The following FBLN5 variants were observed in gnomAD, a reference collection of about 807,000 sequenced individuals.
FBLN5 encodes fibulin-5.
FBLN5 carries 24 observed loss-of-function variants against 61.6 expected under a neutral mutation model. The ratio of observed to expected loss-of-function variants is 0.39; its 90% confidence interval spans 0.28 to 0.55. The LOEUF (loss-of-function observed/expected upper bound fraction) is 0.55, where lower values mean the gene tolerates loss of function less well. Among genes scored for constraint, FBLN5 ranks in the 20% least tolerant of loss-of-function variants. The pLI, the probability that FBLN5 is intolerant of heterozygous loss-of-function variation, is 0.65. For synonymous variants in FBLN5, 213 were observed against 219.8 expected (o/e 0.97, Z 0.27); for missense variants, 470 against 594.1 (o/e 0.79, Z 2.17).
chr14:91,926,025 C>T (rs1250080883), intron 4 of FBLN5, among the ~76,000 whole-genome samples: 3 of 152,196 alleles, frequency 2.0e-5, no homozygotes, highest in Admixed American at 2.0e-4. Flanking sequence ...TCGGTGCCCG[C>T]ACTCTTCCTT....
chr14:91,879,997 T>C (rs1889346437), intron 9 of FBLN5, among the ~76,000 whole-genome samples: 1 of 152,244 alleles, frequency 6.6e-6, no homozygotes, highest in East Asian at 1.9e-4. Flanking sequence ...GAACTCCTAC[T>C]ATGCCAGGAA....
At chr14:91,914,412 A>G (rs1419291239) in intron 4 of FBLN5, among the ~76,000 whole-genome samples, 1 of 134,320 alleles carries the variant, frequency 7.4e-6, no homozygotes, top group African/African-American at 2.8e-5. Context: ...CAGGAGGCGG[A>G]GCTTGCAGTG....
chr14:91,882,900 A>C lies in FBLN5; in HGVS notation c.862+54T>G. On this transcript the variant is annotated intron_variant, in intron 8 of 10. Coordinates refer to ENST00000342058, the MANE Select transcript of FBLN5 (RefSeq NM_006329.4). The surrounding 1 kb of genome is among the most constrained non-coding windows in gnomAD (Gnocchi z 4.9). ...GTGAGGATATCCAGATGAGCCCCTGAAGCAGCTCCACCTCACACATACACC... is the reference window on the plus strand; with the variant it reads ...GTGAGGATATCCAGATGAGCCCCTGCAGCAGCTCCACCTCACACATACACC... 6.2e-7 allele frequency: 1 copy of C among 1,603,378 alleles called. No individual in the cohort carries two copies. The highest frequency in any genetic ancestry group is 8.5e-7 in the Non-Finnish European group (1 of 1,172,912).
chr14:91,906,084 G>A (rs1426946749), intron 4 of FBLN5, among the ~76,000 whole-genome samples: 5 of 151,980 alleles, frequency 3.3e-5, no homozygotes, highest in Non-Finnish European at 4.4e-5. Context: ...ACAGGGTTTT[G>A]CCATGTTGAC....
chr14:91,929,234 C>G (rs2055884465), intron 4 of FBLN5, among the ~76,000 whole-genome samples: 1 of 151,670 alleles, frequency 6.6e-6, no homozygotes, highest in African/African-American at 2.4e-5. Context: ...AAAATACTTC[C>G]AAGTATTTCA....
At position 91,947,098 on chromosome 14, in the gene FBLN5, C is replaced by CT; in HGVS notation, c.17+114dup. ...ATATCATTGCATCACTAGCTCATGC[C>CT]TTTTCCAATATCCTGACACCGCCTG... On this transcript the variant is annotated intron_variant, in intron 1 of 10. Transcript: ENST00000342058. The surrounding 1 kb of genome is among the most constrained non-coding windows in gnomAD (Gnocchi z 4.3). 6.4e-7 allele frequency: 1 copy of CT among 1,562,496 alleles called. No homozygotes were observed. Among genetic ancestry groups the CT allele is most frequent in the Non-Finnish European group, 8.7e-7 (1 of 1,144,590 alleles).
chr14:91,879,942 G>A (rs1385770638), intron 9 of FBLN5, among the ~76,000 whole-genome samples: 2 of 152,182 alleles, frequency 1.3e-5, no homozygotes, highest in African/African-American at 4.8e-5. Flanking sequence ...GGAGGCCAAG[G>A]AGGAACTGAG....
At chr14:91,893,836 G>C (rs760015385) in intron 5 of FBLN5, among the ~76,000 whole-genome samples, 3 of 152,246 alleles carry the variant, frequency 2.0e-5, no homozygotes, top group Non-Finnish European at 4.4e-5. Context: ...AGCCGGTGGG[G>C]TGGGTGTGGT....
chr14:91,898,987 A>G, intron 4 of FBLN5, among the ~76,000 whole-genome samples: 1 of 151,736 alleles, frequency 6.6e-6, no homozygotes, highest in East Asian at 1.9e-4. Context: ...TATTTTTAGT[A>G]GAGATGGGGT....
intron 3 of FBLN5, 69 bp downstream of exon 3, chr14:91,940,492 GAGAA>G (rs775325044): frequency 6.5e-5 from 81 of 1,252,400 alleles, no homozygotes; most frequent in Non-Finnish European, 9.3e-5. Flanking sequence ...TTGAACAACA[GAGAA>G]AGAAATAAAT....
At chr14:91,896,186 G>C (rs1221888551) in intron 4 of FBLN5, among the ~76,000 whole-genome samples, 1 of 152,156 alleles carries the variant, frequency 6.6e-6, no homozygotes, top group African/African-American at 2.4e-5. Context: ...TTAGGGGAGA[G>C]CGCCCAAGAT....
chr14:91,915,707 A>G (rs982091278), intron 4 of FBLN5, among the ~76,000 whole-genome samples: 4 of 150,824 alleles, frequency 2.7e-5, no homozygotes, highest in African/African-American at 9.7e-5. Context: ...AAAAAAAAAA[A>G]AAAAGAAATC....
intron 4 of FBLN5, among the ~76,000 whole-genome samples, chr14:91,912,460 C>T (rs1305694512): frequency 6.6e-6 from 1 of 152,158 alleles, no homozygotes; most frequent in East Asian, 1.9e-4. Flanking sequence ...GCCTGGCCAA[C>T]GTGGTGAAAC....
At chr14:91,881,492 CTGGATCT>C in intron 8 of FBLN5, 74 bp from the exon 9 acceptor site, 1 of 1,522,644 alleles carries the variant, frequency 6.6e-7, no homozygotes, top group Non-Finnish European at 9.1e-7. Context: ...GTGGGGTAGG[CTGGATCT>C]TACTACAGAG....
rs141130190 is a variant in FBLN5, at chr14:91,917,065, G to A, written c.379+19882C>T. 3.0e-4 allele frequency among the ~76,000 whole-genome samples: 46 copies of A among 152,264 alleles called. No individual in the cohort carries two copies. In the East Asian group the frequency reaches 6.8e-3, roughly 22 times the overall value. On this transcript the variant is annotated intron_variant, in intron 4 of 10. Transcript: ENST00000342058. ...CAACTATGACCTTTTGCCAGAGCTC[G>A]AGATTAAGGCAATCTCTCTGGGTTG...
chr14:91,896,125 T>C (rs767739958), intron 4 of FBLN5, among the ~76,000 whole-genome samples: 1 of 152,166 alleles, frequency 6.6e-6, no homozygotes, highest in Non-Finnish European at 1.5e-5. Flanking sequence ...TGCTCAAAAC[T>C]GTTTGTTGAA....
intron 4 of FBLN5, among the ~76,000 whole-genome samples, chr14:91,908,480 G>A (rs1890776497): frequency 6.6e-6 from 1 of 152,192 alleles, no homozygotes; most frequent in Non-Finnish European, 1.5e-5. Flanking sequence ...CAGCATGAAT[G>A]AGTCAGGATA....
chr14:91,878,463 C>T (rs186702049), intron 9 of FBLN5, among the ~76,000 whole-genome samples: 1 of 152,298 alleles, frequency 6.6e-6, no homozygotes, highest in Non-Finnish European at 1.5e-5. Context: ...TGCCCTGAGA[C>T]TCCACCTAGG....
In FBLN5 at chr14:91,877,680, C is replaced by T. The variant is rs774735234; in HGVS notation, c.992G>A (p.Arg331His). 8 of 1,613,404 alleles carry T rather than the reference C, an allele frequency of 5.0e-6. No homozygotes were observed. The highest frequency in any genetic ancestry group is 1.7e-5 in the Admixed American group (1 of 60,024). Residue 331 changes from arginine to histidine, a missense_variant and splice_region_variant, in exon 10 of 11, where the codon CGC becomes CAC. Arg to His is a conservative substitution (Grantham distance 29). Coordinates refer to ENST00000342058, the MANE Select transcript of FBLN5 (RefSeq NM_006329.4). ...AGGGTTCTCAGCAGGACACATACAG[C>T]GGCTGTGGAAAGGGAAATCACGTGA... The part of the protein sequence containing the change: ...EEPYLRISDN[R>H]CMCPAENPGC...
Sources: allele counts gnomAD v4.1 joint callset (sites outside exome capture counted in the v4.1 genomes callset), GRCh38; gene constraint gnomAD v4.1.1; non-coding constraint Gnocchi (gnomAD v3.1); transcripts MANE v1.5; gene names NCBI Gene and HGNC (gene_info 2026-07-23, HGNC 2026-07-21).